Variants in AGBL1 observed in about 807,000 individuals in gnomAD.
AGBL1 encodes AGBL carboxypeptidase 1, also known as cytosolic carboxypeptidase 4.
Under a neutral mutation model 118.9 loss-of-function variants are expected in AGBL1, and 130 were observed. The observed-to-expected ratio is 1.09, with a 90% CI of 0.95 to 1.26. The LOEUF (loss-of-function observed/expected upper bound fraction) is 1.26. Among genes scored for constraint, AGBL1 ranks in the 50% most tolerant of loss-of-function variants. AGBL1 has a pLI of 0.00. For synonymous variants in AGBL1, 555 were observed against 478.9 expected (o/e 1.16, Z -2.08); for missense variants, 1,584 against 1,298.1 (o/e 1.22, Z -3.38).
chr15:86,686,562 C>T (rs753449982), intron 22 of AGBL1, among the ~76,000 whole-genome samples: 15 of 151,452 alleles, frequency 9.9e-5, no homozygotes, highest in South Asian at 2.1e-4. Context: ...CTCAGCCTCC[C>T]GAGTAGCTGA....
chr15:86,202,447 C>A (rs2077922292), intron 5 of AGBL1, among the ~76,000 whole-genome samples: 1 of 152,160 alleles, frequency 6.6e-6, no homozygotes, highest in South Asian at 2.1e-4. Context: ...AGAAGACCTG[C>A]ACTGAAAAAG....
intron 21 of AGBL1, among the ~76,000 whole-genome samples, chr15:86,617,309 AGTCACT>A (rs962110732): frequency 5.3e-5 from 8 of 152,264 alleles, no homozygotes; most frequent in African/African-American, 1.9e-4. Flanking sequence ...GACCTTTCAG[AGTCACT>A]GTTTTCTTCT....
At chr15:86,859,624 GGGT>G (rs2141477127) in intron 22 of AGBL1, among the ~76,000 whole-genome samples, 1 of 152,242 alleles carries the variant, frequency 6.6e-6, no homozygotes, top group African/African-American at 2.4e-5. Context: ...CATTCTGTAA[GGGT>G]GCCGAGAACA....
intron 21 of AGBL1, among the ~76,000 whole-genome samples, chr15:86,573,365 T>C (rs1331052551): frequency 6.6e-6 from 1 of 152,178 alleles, no homozygotes; most frequent in Non-Finnish European, 1.5e-5. Flanking sequence ...AGGCAGATAA[T>C]TAAGTAAGCA....
intron 17 of AGBL1, among the ~76,000 whole-genome samples, chr15:86,298,014 C>T (rs1271910758): frequency 1.3e-5 from 2 of 151,858 alleles, no homozygotes; most frequent in East Asian, 3.9e-4. Context: ...TCTCTTCTTG[C>T]TCACAACGAA....
chr15:86,572,593 C>A (rs2084026076), intron 21 of AGBL1, among the ~76,000 whole-genome samples: 1 of 152,170 alleles, frequency 6.6e-6, no homozygotes, highest in Admixed American at 6.5e-5. Context: ...AACATGGGGA[C>A]AGGGGCCAGA....
At chr15:86,826,803 A>T (rs1353374385) in intron 22 of AGBL1, among the ~76,000 whole-genome samples, 1 of 152,146 alleles carries the variant, frequency 6.6e-6, no homozygotes, top group African/African-American at 2.4e-5. Context: ...AATTCTTAAC[A>T]TGGAAATAAT....
rs541349096 is a variant in AGBL1, at chr15:86,493,260, CG to C, written c.2556-29548del. Among the ~76,000 whole-genome samples, 89 of 152,016 alleles carry C rather than the reference CG, an allele frequency of 5.9e-4. 1 individual carries two copies. The highest frequency in any genetic ancestry group is 2.0e-3 in the African/African-American group (83 of 41,490). On this transcript the variant is annotated intron_variant, in intron 18 of 22. Transcript: ENST00000614907. ...ATTCAGGAGGTAAAGAGAGACAACACGGTGATCACGTGTTTTAGAAAGAGAT... is the reference window on the plus strand; with the variant it reads ...ATTCAGGAGGTAAAGAGAGACAACACGTGATCACGTGTTTTAGAAAGAGAT...
chr15:86,994,525 G>A (rs73449126), intron 24 of AGBL1, among the ~76,000 whole-genome samples: 14,990 of 152,186 alleles, frequency 0.098, 1,313 homozygotes, highest in African/African-American at 0.23. Flanking sequence ...CAATTCTGAA[G>A]TGGTTGGTCG....
chr15:86,332,702 A>G (rs1160423110), intron 17 of AGBL1, among the ~76,000 whole-genome samples: 1 of 151,610 alleles, frequency 6.6e-6, no homozygotes. Context: ...TACCAATTGG[A>G]CCTCATAGAT....
intron 5 of AGBL1, among the ~76,000 whole-genome samples, chr15:86,218,602 A>G (rs720996): frequency 0.33 from 49,877 of 151,848 alleles, 8,316 homozygotes; most frequent in South Asian, 0.42. Context: ...ATATTACATA[A>G]TTGTGTTATA....
intron 18 of AGBL1, among the ~76,000 whole-genome samples, chr15:86,451,929 G>A (rs1258536465): frequency 6.6e-6 from 1 of 151,922 alleles, no homozygotes; most frequent in Admixed American, 6.6e-5. Context: ...TGGCATTCAA[G>A]ACCGTAAAAA....
At chr15:86,668,185 T>C (rs1048314667) in intron 21 of AGBL1, among the ~76,000 whole-genome samples, 3 of 152,182 alleles carry the variant, frequency 2.0e-5, no homozygotes, top group South Asian at 2.1e-4. Flanking sequence ...ACCTCCAACA[T>C]TGGGGATCAC....
At chr15:86,380,617 C>T (rs780813497) in intron 17 of AGBL1, among the ~76,000 whole-genome samples, 8 of 145,796 alleles carry the variant, frequency 5.5e-5, no homozygotes, top group South Asian at 2.3e-4. Flanking sequence ...GTGTCATTCT[C>T]TCTGCTTCTT....
intron 22 of AGBL1, among the ~76,000 whole-genome samples, chr15:86,757,934 T>C (rs907478081): frequency 6.6e-6 from 1 of 152,148 alleles, no homozygotes; most frequent in African/African-American, 2.4e-5. Flanking sequence ...TTCCACTTTG[T>C]AGAGTTTGTT....
chr15:86,140,831 C>T (rs2076953129), intron 1 of AGBL1, among the ~76,000 whole-genome samples: 1 of 152,054 alleles, frequency 6.6e-6, no homozygotes, highest in Non-Finnish European at 1.5e-5. Context: ...CCAAGGGGTT[C>T]CGTGTTGATG....
intron 5 of AGBL1, among the ~76,000 whole-genome samples, chr15:86,191,167 A>C (rs1597519542): frequency 6.6e-6 from 1 of 150,924 alleles, no homozygotes; most frequent in Non-Finnish European, 1.5e-5. Flanking sequence ...ACATGGTGAA[A>C]CCCCCCCTCC....
intron 17 of AGBL1, among the ~76,000 whole-genome samples, chr15:86,347,457 C>T (rs532260411): frequency 3.3e-5 from 5 of 152,184 alleles, no homozygotes; most frequent in African/African-American, 1.2e-4. Flanking sequence ...GAGTCATTGG[C>T]AAGCTTTGTT....
At chr15:86,149,347 G>A (rs540014768) in intron 3 of AGBL1, among the ~76,000 whole-genome samples, 3 of 152,270 alleles carry the variant, frequency 2.0e-5, no homozygotes, top group African/African-American at 7.2e-5. Context: ...TGGATAAAGA[G>A]TCAAGATCCA....
Sources: allele counts gnomAD v4.1 joint callset (sites outside exome capture counted in the v4.1 genomes callset), GRCh38; gene constraint gnomAD v4.1.1; transcripts MANE v1.5; gene names NCBI Gene and HGNC (gene_info 2026-07-23, HGNC 2026-07-21).